Variants in PHKG1 observed in about 807,000 individuals in gnomAD.
PHKG1 encodes phosphorylase kinase catalytic subunit gamma 1.
A neutral mutation model predicts 50.5 loss-of-function variants in PHKG1; 48 were observed. The observed-to-expected ratio is 0.95, with a 90% confidence interval of 0.75 to 1.21. PHKG1 has a LOEUF of 1.21. Among genes scored for constraint, PHKG1 ranks in the 50% most tolerant of loss-of-function variants. The pLI is 0.00. For missense variants in PHKG1, 487 were observed against 519.5 expected, an observed-to-expected ratio of 0.94 and a Z score of 0.61; for synonymous variants, 204 against 212.8, an observed-to-expected ratio of 0.96 and a Z score of 0.36.
At chr7:56,086,821 C>A (rs1796271248) in intron 4 of PHKG1, 149 bp downstream of exon 4, 5 of 669,658 alleles carry the variant, frequency 7.5e-6, no homozygotes, top group Admixed American at 2.4e-5. Context: ...CAGCCTGACC[C>A]CAGGGGCTGA....
At position 56,087,757 on chromosome 7, in the gene PHKG1, T is replaced by G; in HGVS notation, c.103A>C (p.Arg35=). The stretch of plus-strand genomic sequence containing the variant: ...CTCGTGGGCTTGTGGATGCATCGCC[T>G]GACCACACTGCTAACGCCCCTGGGA... ...ILGRGVSSVV[R]RCIHKPTSQE... is the part of the protein sequence containing the mutation. The change falls in exon 3 of 10, where the codon AGG becomes CGG. Residue 35 remains arginine, a synonymous_variant. Transcript: ENST00000297373. 6.2e-7 allele frequency: 1 copy of G among 1,612,558 alleles called. No homozygotes were observed. The highest frequency in any genetic ancestry group is 8.5e-7 in the Non-Finnish European group (1 of 1,179,934).
At chr7:56,090,392 A>G (rs1178978486) in intron 1 of PHKG1, among the ~76,000 whole-genome samples, 2 of 152,164 alleles carry the variant, frequency 1.3e-5, no homozygotes, top group South Asian at 2.1e-4. Flanking sequence ...CTGGGATTAC[A>G]GGCATGAGCC....
chr7:56,090,689 C>T (rs945411665), intron 1 of PHKG1, among the ~76,000 whole-genome samples: 1 of 152,130 alleles, frequency 6.6e-6, no homozygotes, highest in Non-Finnish European at 1.5e-5. Flanking sequence ...AGGGGCTATA[C>T]CTTGAATGTG....
intron 2 of PHKG1, among the ~76,000 whole-genome samples, 200 bp from the exon 3 acceptor site, chr7:56,087,976 G>A (rs1031673597): frequency 2.1e-5 from 3 of 145,638 alleles, no homozygotes; most frequent in Non-Finnish European, 3.0e-5. Flanking sequence ...TAACAAGCCT[G>A]CTCTCAGGCC....
intron 4 of PHKG1, among the ~76,000 whole-genome samples, chr7:56,083,973 GTTTCTCCCCTGACTGAA>G (rs1796141236): frequency 6.6e-6 from 1 of 152,114 alleles, no homozygotes; most frequent in Non-Finnish European, 1.5e-5. Flanking sequence ...ATAGGCCTAG[GTTTCTCCCCTGACTGAA>G]TTTTTCCCCT....
chr7:56,084,364 A>C, intron 4 of PHKG1: 1 of 511,782 alleles, frequency 2.0e-6, no homozygotes, highest in South Asian at 2.5e-5. Flanking sequence ...GGACGTGAGT[A>C]TCCCGATTTT....
At chr7:56,082,845 C>T (rs762642179) in intron 6 of PHKG1, among the ~76,000 whole-genome samples, 10 of 151,954 alleles carry the variant, frequency 6.6e-5, no homozygotes, top group East Asian at 2.0e-4. Flanking sequence ...TGGTGGCTCA[C>T]GCCTGTAATC....
At chr7:56,087,116 G>A in intron 3 of PHKG1, 92 bp from the exon 4 acceptor site, 1 of 916,944 alleles carries the variant, frequency 1.1e-6, no homozygotes, top group East Asian at 2.4e-5. Flanking sequence ...GGCTGCTGTG[G>A]GCTAACTTCA....
chr7:56,082,061 G>T lies in PHKG1; in HGVS notation c.639-15C>A, dbSNP rs1379873092. On this transcript the variant is annotated splice_polypyrimidine_tract_variant and intron_variant, in intron 7 of 9. Coordinates refer to ENST00000297373, the MANE Select transcript of PHKG1 (RefSeq NM_006213.5). ...CAGTGCTCCACCTGGACATGCGAGGGCCCAGGGCCACTTACCCAGCGCCAG... is the reference window on the plus strand; with the variant it reads ...CAGTGCTCCACCTGGACATGCGAGGTCCCAGGGCCACTTACCCAGCGCCAG... 1.2e-6 allele frequency: 2 copies of T among 1,610,364 alleles called. No homozygotes were observed. Among genetic ancestry groups the T allele is most frequent in the South Asian group, 1.1e-5 (1 of 91,000 alleles).
rs1795963811 is a variant in PHKG1 at position 56,081,199 on chromosome 7, A to T, written c.1019T>A (p.Leu340His). 6.2e-7 allele frequency: 1 copy of T among 1,613,784 alleles called. No individual in the cohort carries two copies. Among genetic ancestry groups the T allele is most frequent in the Non-Finnish European group, 8.5e-7 (1 of 1,179,960 alleles). ...REIVIRDPYALRPLRRLIDAY... is the reference protein window; with the variant it reads ...REIVIRDPYAHRPLRRLIDAY... ...GTCGATGAGCCGGCGCAGAGGCCGG[A>T]GGGCATAGGGGTCTCGGATGACGAT... The change falls in exon 10 of 10, where the codon CTC becomes CAC. Residue 340 changes from leucine to histidine, a missense_variant. Coordinates refer to ENST00000297373, the MANE Select transcript of PHKG1 (RefSeq NM_006213.5). The surrounding 1 kb of genome is among the most constrained non-coding windows in gnomAD (Gnocchi z 4.6).
Position 56,083,242 on chromosome 7 carries a change from G to A in PHKG1, c.547+36C>T, listed in dbSNP as rs753415361. 33 of 1,604,916 alleles carry A rather than the reference G, an allele frequency of 2.1e-5. No homozygotes were observed. In the Admixed American group the frequency reaches 4.2e-4, roughly 20 times the overall value. Reference sequence around the variant, plus strand: ...TCTGCAGATGGTTGATTGAGCACCCGAGGCCTGGACGTGGGCCAAGGCCAT... The same window carrying A: ...TCTGCAGATGGTTGATTGAGCACCCAAGGCCTGGACGTGGGCCAAGGCCAT... On this transcript the variant is annotated intron_variant, in intron 6 of 9. Transcript: ENST00000297373.
chr7:56,082,224 G>C lies in PHKG1; in HGVS notation c.577C>G (p.Pro193Ala), dbSNP rs1237766258. Residue 193 changes from proline to alanine, a missense_variant, in exon 7 of 10, where the codon CCT (proline) becomes GCT (alanine). Transcript: ENST00000297373. ...TTCATGGAGCACTCGATAATCTCAG[G>C]GGCCAGGTAACTGGGGGTCCCGCAG... The part of the protein sequence containing the change: ...EVCGTPSYLA[P>A]EIIECSMNED... 1.2e-6 allele frequency: 2 copies of C among 1,613,624 alleles called. No homozygotes were observed. Among genetic ancestry groups the C allele is most frequent in the Non-Finnish European group, 1.7e-6 (2 of 1,179,992 alleles).
intron 4 of PHKG1, among the ~76,000 whole-genome samples, chr7:56,085,343 C>T (rs942581076): frequency 2.0e-5 from 3 of 152,154 alleles, no homozygotes; most frequent in Non-Finnish European, 4.4e-5. Context: ...AGCAATCCTC[C>T]CACCACAGCC....
chr7:56,083,730 G>C lies in PHKG1; in HGVS notation c.318-15C>G. ...CTCTCTTCATCCTGTGGAAACAGAG[G>C]GTTGATAGCTGGATCGGTCCCAAGA... On this transcript the variant is annotated splice_polypyrimidine_tract_variant and intron_variant, in intron 4 of 9. Transcript: ENST00000297373. The C allele has an allele frequency of 6.4e-7, 1 of 1,555,514 alleles. No homozygotes were observed. The highest frequency in any genetic ancestry group is 8.8e-7 in the Non-Finnish European group (1 of 1,142,516).
chr7:56,083,579 CCT>C, intron 5 of PHKG1, 69 bp downstream of exon 5: 1 of 1,500,000 alleles, frequency 6.7e-7, no homozygotes, highest in Non-Finnish European at 9.2e-7. Flanking sequence ...CCCTGCCTCC[CCT>C]GAGACCCCAG....
intron 1 of PHKG1, among the ~76,000 whole-genome samples, chr7:56,089,447 T>G (rs374101952): frequency 0.69 from 103,950 of 151,614 alleles, 35,751 homozygotes; most frequent in East Asian, 0.71. Flanking sequence ...CTGTTACCCA[T>G]CTCTGTACCA....
At chr7:56,084,148 C>T in intron 4 of PHKG1, 2 of 1,516,078 alleles carry the variant, frequency 1.3e-6, no homozygotes, top group Non-Finnish European at 1.8e-6. Context: ...GTGAGCAGTA[C>T]CTTGCCCTGC....
intron 1 of PHKG1, among the ~76,000 whole-genome samples, chr7:56,091,587 A>T (rs1796495653): frequency 6.6e-6 from 1 of 152,140 alleles, no homozygotes; most frequent in African/African-American, 2.4e-5. Flanking sequence ...AACAGGGAAA[A>T]GGGCAGATAG....
chr7:56,084,197 C>T, intron 4 of PHKG1: 1 of 1,534,964 alleles, frequency 6.5e-7, no homozygotes, highest in Non-Finnish European at 8.7e-7. Context: ...AGAGTCCCAG[C>T]CCAAGCACCA....
Sources: allele counts gnomAD v4.1 joint callset (sites outside exome capture counted in the v4.1 genomes callset), GRCh38; gene constraint gnomAD v4.1.1; non-coding constraint Gnocchi (gnomAD v3.1); transcripts MANE v1.5; gene names NCBI Gene and HGNC (gene_info 2026-07-23, HGNC 2026-07-21).